Variants in DCDC1 observed in about 807,000 individuals in gnomAD.
DCDC1 encodes the protein doublecortin domain-containing protein 1.
Under a neutral mutation model 178.3 loss-of-function variants are expected in DCDC1, and 200 were observed. The observed-to-expected ratio is 1.12, with a 90% confidence interval of 1.00 to 1.26. DCDC1 has a LOEUF of 1.26. Among genes scored for constraint, DCDC1 ranks in the 50% most tolerant of loss-of-function variants. DCDC1 has a pLI of 0.00. For synonymous variants in DCDC1, 690 were observed against 604.8 expected (o/e 1.14, Z -2.07); for missense variants, 1,983 against 1,749.2 (o/e 1.13, Z -2.38).
At chr11:31,089,693 T>A (rs1957690970) in intron 17 of DCDC1, among the ~76,000 whole-genome samples, 1 of 151,952 alleles carries the variant, frequency 6.6e-6, no homozygotes, top group Non-Finnish European at 1.5e-5. Flanking sequence ...TTCACTGCTA[T>A]TTTCTTCCAC....
At chr11:31,096,439 A>G (rs1010105131) in intron 15 of DCDC1, among the ~76,000 whole-genome samples, 6 of 152,216 alleles carry the variant, frequency 3.9e-5, no homozygotes, top group Non-Finnish European at 7.4e-5. Flanking sequence ...GTCAGACAGA[A>G]GAACCATACA....
intron 9 of DCDC1, among the ~76,000 whole-genome samples, chr11:31,195,157 T>A (rs1395577932): frequency 1.3e-5 from 2 of 152,054 alleles, no homozygotes; most frequent in African/African-American, 4.8e-5. Flanking sequence ...GCCAGCAGTC[T>A]CCTACAAGAG....
At chr11:31,199,000 A>G (rs1260857282) in intron 9 of DCDC1, among the ~76,000 whole-genome samples, 1 of 152,096 alleles carries the variant, frequency 6.6e-6, no homozygotes, top group South Asian at 2.1e-4. Context: ...GTAGTTGTCA[A>G]TAAAAAACCT....
intron 8 of DCDC1, among the ~76,000 whole-genome samples, chr11:31,249,122 G>A (rs1449577704): frequency 6.6e-6 from 1 of 151,938 alleles, no homozygotes; most frequent in African/African-American, 2.4e-5. Flanking sequence ...GCAAGGATTT[G>A]GTTTAAAAAT....
chr11:30,973,590 G>A (rs1003119473), intron 20 of DCDC1, among the ~76,000 whole-genome samples: 11 of 152,170 alleles, frequency 7.2e-5, no homozygotes, highest in African/African-American at 2.4e-4. Context: ...AACCAAATGT[G>A]AGCAGGAGTA....
At chr11:31,049,944 G>A (rs1206231047) in intron 20 of DCDC1, among the ~76,000 whole-genome samples, 1 of 152,184 alleles carries the variant, frequency 6.6e-6, no homozygotes, top group Non-Finnish European at 1.5e-5. Context: ...AAACTCCACA[G>A]GGAGAAGGAA....
intron 9 of DCDC1, among the ~76,000 whole-genome samples, chr11:31,187,147 A>G (rs1178913873): frequency 6.6e-6 from 1 of 152,214 alleles, no homozygotes; most frequent in Non-Finnish European, 1.5e-5. Flanking sequence ...GTTTGAGAAC[A>G]CTTTATTTGT....
At chr11:31,097,717 C>T (rs1318376290) in intron 15 of DCDC1, among the ~76,000 whole-genome samples, 2 of 152,094 alleles carry the variant, frequency 1.3e-5, no homozygotes, top group East Asian at 1.9e-4. Context: ...AGTCAAGTCC[C>T]GTGTCCTATG....
At chr11:30,960,726 G>A (rs914286072) in intron 20 of DCDC1, among the ~76,000 whole-genome samples, 1 of 152,060 alleles carries the variant, frequency 6.6e-6, no homozygotes, top group African/African-American at 2.4e-5. Context: ...TGATAGAAAC[G>A]TTATATAAAA....
intron 7 of DCDC1, among the ~76,000 whole-genome samples, chr11:31,276,152 C>T (rs960764246): frequency 1.5e-5 from 2 of 133,206 alleles, no homozygotes; most frequent in African/African-American, 5.1e-5. Context: ...TCCTAACTGA[C>T]AGAAAAATAC....
intron 20 of DCDC1, among the ~76,000 whole-genome samples, chr11:31,051,386 C>T (rs1590881427): frequency 6.6e-6 from 1 of 152,232 alleles, no homozygotes; most frequent in East Asian, 1.9e-4. Flanking sequence ...ATTACAAAAT[C>T]CTGGAAAACA....
chr11:31,094,573 T>C (rs1958028829), intron 15 of DCDC1, among the ~76,000 whole-genome samples: 3 of 152,102 alleles, frequency 2.0e-5, no homozygotes, highest in Admixed American at 2.0e-4. Context: ...AGGTGGAGCA[T>C]CTTGAAAGAC....
intron 20 of DCDC1, among the ~76,000 whole-genome samples, chr11:31,021,203 C>T (rs1952858676): frequency 6.6e-6 from 1 of 152,138 alleles, no homozygotes; most frequent in Non-Finnish European, 1.5e-5. Flanking sequence ...CAAACATATC[C>T]TTTTCCTTAT....
intron 33 of DCDC1, 79 bp from the exon 34 acceptor site, chr11:30,899,721 T>A: frequency 9.8e-7 from 1 of 1,017,768 alleles, no homozygotes; most frequent in Non-Finnish European, 1.3e-6. Context: ...AACTTTCTGC[T>A]CAAAGAAATA....
chr11:31,281,633 A>G (rs1946440895), intron 7 of DCDC1, among the ~76,000 whole-genome samples: 1 of 151,986 alleles, frequency 6.6e-6, no homozygotes, highest in African/African-American at 2.4e-5. Context: ...TACTCCCATA[A>G]TTCCGTTTTG....
In DCDC1 at chr11:30,881,049, G is replaced by A. The variant is rs934418790; in HGVS notation, c.5233+109C>T. 6 of 1,246,800 alleles carry A rather than the reference G, an allele frequency of 4.8e-6. No individual in the cohort carries two copies. The South Asian group carries it at 7.8e-5, about 16-fold the overall frequency. The allele number at this position is 1,246,800 out of a possible 1,614,324, so 77.2% of individuals were successfully genotyped here. ...CATAACATGGAGTAGAAATGCTTGG[G>A]AGGGGATAATTATTAAAAATCATTG... On this transcript the variant is annotated intron_variant, in intron 37 of 38. Coordinates refer to ENST00000684477, the MANE Select transcript of DCDC1 (RefSeq NM_001387274.1).
intron 34 of DCDC1, among the ~76,000 whole-genome samples, chr11:30,898,944 T>C (rs1342957634): frequency 6.6e-6 from 1 of 152,082 alleles, no homozygotes; most frequent in Non-Finnish European, 1.5e-5. Flanking sequence ...GTCCTGGGAA[T>C]AGTATAGGGT....
In DCDC1 at chr11:31,045,313, C is replaced by T. The variant is rs915161091; in HGVS notation, c.2591+19156G>A. On this transcript the variant is annotated intron_variant, in intron 20 of 38. Transcript: ENST00000684477. ...GAGAAATTTCTGCTTGTGCGACCCA[C>T]TTCTTACACGTGACGGAGGGCAAAA... Among the ~76,000 whole-genome samples the T allele has an allele frequency of 2.0e-5, 3 of 151,980 alleles. No homozygotes were observed. In the East Asian group the frequency reaches 5.8e-4, roughly 29 times the overall value.
intron 9 of DCDC1, among the ~76,000 whole-genome samples, chr11:31,206,977 G>GGA (rs1372104500): frequency 4.6e-5 from 7 of 152,064 alleles, no homozygotes; most frequent in African/African-American, 1.7e-4. Context: ...AACAGGGATG[G>GGA]GAGGCAGAGT....
Sources: allele counts gnomAD v4.1 joint callset (sites outside exome capture counted in the v4.1 genomes callset), GRCh38; gene constraint gnomAD v4.1.1; transcripts MANE v1.5; gene names NCBI Gene and HGNC (gene_info 2026-07-23, HGNC 2026-07-21).